Variants in SESN3 observed in about 807,000 individuals in gnomAD.
SESN3 encodes the protein sestrin 3.
A neutral mutation model predicts 55.3 loss-of-function variants in SESN3; 21 were observed. That is an observed-to-expected ratio of 0.38 (90% CI 0.27 to 0.55). The LOEUF (loss-of-function observed/expected upper bound fraction) is 0.55. Among genes scored for constraint, SESN3 ranks in the 20% least tolerant of loss-of-function variants. The pLI is 0.76. For synonymous variants in SESN3, 181 were observed against 203.1 expected (o/e 0.89, Z 0.93); for missense variants, 408 against 604.3 (o/e 0.68, Z 3.41).
At chr11:95,199,534 G>C (rs1043517657) in intron 1 of SESN3, among the ~76,000 whole-genome samples, 1 of 151,954 alleles carries the variant, frequency 6.6e-6, no homozygotes, top group African/African-American at 2.4e-5. Flanking sequence ...GATATAAATT[G>C]ATCCCAACAG....
At chr11:95,194,387 A>G (rs1017956646) in intron 1 of SESN3, among the ~76,000 whole-genome samples, 3 of 152,120 alleles carry the variant, frequency 2.0e-5, no homozygotes, top group East Asian at 1.9e-4. Flanking sequence ...ACCAGTTACA[A>G]AACAAATTGG....
chr11:95,175,762 T>A (rs1424482225), intron 8 of SESN3, 120 bp from the exon 9 acceptor site: 1 of 804,780 alleles, frequency 1.2e-6, no homozygotes, highest in Non-Finnish European at 1.9e-6. Flanking sequence ...ATTAATTGAA[T>A]CAACAAATGT....
intron 1 of SESN3, among the ~76,000 whole-genome samples, chr11:95,194,329 AAC>A (rs1181351201): frequency 6.6e-6 from 1 of 152,094 alleles, no homozygotes; most frequent in Admixed American, 6.6e-5. Flanking sequence ...CAGCCTATCA[AAC>A]ACAAAATAGT....
Position 95,173,253 on chromosome 11 carries a change from C to T in SESN3, c.*2G>A, listed in dbSNP as rs1449768614. On this transcript the variant is annotated 3_prime_UTR_variant, in exon 10 of 10. Coordinates refer to ENST00000536441, the MANE Select transcript of SESN3 (RefSeq NM_144665.4). ...TGTATGACATTTTCCTTGGGTGATA[C>T]TTCAGGTCAAATGCCGAGTTATGGC... 6.4e-7 allele frequency: 1 copy of T among 1,560,124 alleles called. No homozygotes were observed. Among genetic ancestry groups the T allele is most frequent in the East Asian group, 2.3e-5 (1 of 44,360 alleles).
At chr11:95,204,317 C>T (rs1333886193) in intron 1 of SESN3, among the ~76,000 whole-genome samples, 1 of 151,678 alleles carries the variant, frequency 6.6e-6, no homozygotes, top group Non-Finnish European at 1.5e-5. Flanking sequence ...AAATAAATGA[C>T]AATTATTACA....
intron 1 of SESN3, among the ~76,000 whole-genome samples, chr11:95,222,277 G>C (rs1591079695): frequency 1.3e-5 from 2 of 152,218 alleles, no homozygotes; most frequent in Admixed American, 6.5e-5. Context: ...TCCTTCAAAA[G>C]TGATGATATT....
intron 8 of SESN3, among the ~76,000 whole-genome samples, chr11:95,177,160 A>G (rs928000181): frequency 1.3e-5 from 2 of 152,158 alleles, no homozygotes; most frequent in African/African-American, 4.8e-5. Context: ...TCTTGATTAG[A>G]CTATTCAATC....
chr11:95,192,102 G>C (rs1037100736), intron 2 of SESN3, among the ~76,000 whole-genome samples: 3 of 151,930 alleles, frequency 2.0e-5, no homozygotes, highest in Admixed American at 6.6e-5. Context: ...AGGAACAAAG[G>C]CATATATAAT....
chr11:95,185,137 T>C, intron 5 of SESN3, 119 bp downstream of exon 5: 1 of 615,528 alleles, frequency 1.6e-6, no homozygotes, highest in Non-Finnish European at 2.8e-6. Flanking sequence ...ATAAAAATTA[T>C]GCAAAAATAT....
intron 1 of SESN3, among the ~76,000 whole-genome samples, chr11:95,221,339 CA>C (rs1476035765): frequency 1.3e-5 from 2 of 151,962 alleles, no homozygotes; most frequent in African/African-American, 2.4e-5. Flanking sequence ...CAGATAATTA[CA>C]ATGATCTTCC....
chr11:95,218,874 G>T (rs922198487), intron 1 of SESN3, among the ~76,000 whole-genome samples: 11 of 152,120 alleles, frequency 7.2e-5, no homozygotes, highest in African/African-American at 2.4e-4. Context: ...GGATGGTCTC[G>T]TTCTCCTGAC....
intron 1 of SESN3, among the ~76,000 whole-genome samples, chr11:95,199,286 A>G (rs1860419732): frequency 6.6e-6 from 1 of 152,100 alleles, no homozygotes. Context: ...TATGTGCTCT[A>G]AGAGATTATT....
In SESN3 at chr11:95,171,307, C is replaced by T. The variant is rs1859845074; in HGVS notation, c.*1948G>A. 2 of 152,214 alleles carry T rather than the reference C, an allele frequency of 1.3e-5. No homozygotes were observed. The highest frequency in any genetic ancestry group is 4.8e-5 in the African/African-American group (2 of 41,546). The allele number at this position is 152,214 out of a possible 1,614,324, so 9.4% of individuals were successfully genotyped here. On this transcript the variant is annotated 3_prime_UTR_variant, in exon 10 of 10. Coordinates refer to ENST00000536441, the MANE Select transcript of SESN3 (RefSeq NM_144665.4). ...TTAACATATGGCATATGCAATAAAA[C>T]AGACGAGATATGGCACAAGTTCTCT...
chr11:95,214,352 C>T (rs796298429), intron 1 of SESN3, among the ~76,000 whole-genome samples: 8 of 152,264 alleles, frequency 5.3e-5, no homozygotes, highest in African/African-American at 1.9e-4. Context: ...GGAAAACACC[C>T]ATTACCTCAA....
At chr11:95,198,437 A>G (rs1860403582) in intron 1 of SESN3, among the ~76,000 whole-genome samples, 4 of 151,556 alleles carry the variant, frequency 2.6e-5, no homozygotes, top group Admixed American at 1.3e-4. Context: ...GCTCTATGCT[A>G]TAAGTGAAAA....
intron 4 of SESN3, among the ~76,000 whole-genome samples, chr11:95,189,399 C>T (rs969951794): frequency 3.3e-5 from 5 of 151,936 alleles, no homozygotes; most frequent in African/African-American, 1.2e-4. Flanking sequence ...GTTTAAAACT[C>T]ATTTAATCTA....
intron 1 of SESN3, among the ~76,000 whole-genome samples, chr11:95,216,591 C>G (rs999012633): frequency 1.3e-5 from 2 of 152,098 alleles, no homozygotes; most frequent in African/African-American, 2.4e-5. Flanking sequence ...TAATCTATAT[C>G]TAACTACAAA....
intron 1 of SESN3, among the ~76,000 whole-genome samples, chr11:95,194,987 A>G (rs1860334850): frequency 6.6e-6 from 1 of 152,174 alleles, no homozygotes; most frequent in African/African-American, 2.4e-5. Flanking sequence ...CTGGACAACT[A>G]TTCATTTCAA....
Position 95,193,628 on chromosome 11 carries a change from A to C in SESN3, c.79-106T>G, listed in dbSNP as rs1860307902. The C allele has an allele frequency of 4.5e-6, 3 of 667,116 alleles. No homozygotes were observed. The Admixed American group carries it at 7.9e-5, about 17-fold the overall frequency. 41.3% of individuals were successfully genotyped at this position (667,116 alleles called of 1,614,324 possible). ...ACTAAAATAAAGAGAATAAATAATT[A>C]AATTATGTGAGACCAGAGTAAGTGT... On this transcript the variant is annotated intron_variant, in intron 1 of 9. Coordinates refer to ENST00000536441, the MANE Select transcript of SESN3 (RefSeq NM_144665.4).
Sources: allele counts gnomAD v4.1 joint callset (sites outside exome capture counted in the v4.1 genomes callset), GRCh38; gene constraint gnomAD v4.1.1; transcripts MANE v1.5; gene names NCBI Gene and HGNC (gene_info 2026-07-23, HGNC 2026-07-21).